ADCY3: variants seen among roughly 807,000 people sequenced by gnomAD.
ADCY3 encodes the protein adenylate cyclase type 3.
Under a neutral mutation model 119.4 loss-of-function variants are expected in ADCY3, and 70 were observed. That is an observed-to-expected ratio of 0.59 (90% CI 0.48 to 0.72). ADCY3 has a LOEUF of 0.72. ADCY3 is among the 30% of genes least tolerant of loss of function. ADCY3 has a pLI of 0.00. For missense variants in ADCY3, 1,238 were observed against 1,541.6 expected, an observed-to-expected ratio of 0.80 and a Z score of 3.30; for synonymous variants, 672 against 621.4, an observed-to-expected ratio of 1.08 and a Z score of -1.21.
At chr2:24,821,816 A>G (rs1353127742) in intron 19 of ADCY3, 176 bp from the exon 20 acceptor site, 3 of 887,106 alleles carry the variant, frequency 3.4e-6, no homozygotes, top group Non-Finnish European at 5.0e-6. Context: ...CACTGTGACA[A>G]AGTTCACGTA....
intron 3 of ADCY3, among the ~76,000 whole-genome samples, chr2:24,865,158 A>G (rs1558471673): frequency 6.6e-6 from 1 of 152,176 alleles, no homozygotes. Flanking sequence ...AATGCTCTCT[A>G]AGATAGTAGG....
In ADCY3 at chr2:24,853,467, CTTTT is replaced by C. The variant is rs745408152; in HGVS notation, c.826-11087_826-11084del. On this transcript the variant is annotated intron_variant, in intron 3 of 21. Transcript: ENST00000679454. Reference sequence around the variant, plus strand: ...ATTTTCAGATTGAAACGCGCCTCATCTTTTTTTTTTTTTTTTTTTTTTGAGATGG... The same window carrying C: ...ATTTTCAGATTGAAACGCGCCTCATCTTTTTTTTTTTTTTTTTTGAGATGG... 3.8e-3 allele frequency among the ~76,000 whole-genome samples: 443 copies of C among 115,228 alleles called. 2 individuals are homozygous for C. The highest frequency in any genetic ancestry group is 0.015 in the African/African-American group (399 of 27,028). 75.6% of individuals were successfully genotyped at this position (115,228 alleles called of 152,430 possible).
chr2:24,841,263 T>C lies in ADCY3; in HGVS notation c.1192A>G (p.Ile398Val). 1.3e-6 allele frequency: 2 copies of C among 1,558,936 alleles called. No homozygotes were observed. The highest frequency in any genetic ancestry group is 1.7e-6 in the Non-Finnish European group (2 of 1,151,756). Residue 398 changes from isoleucine to valine, a missense_variant, in exon 6 of 22, where the codon ATC (isoleucine) becomes GTC (valine). By Grantham distance (29) the Ile-to-Val change is conservative. This residue lies in a region of ADCY3 where 283 missense variants were observed against 437.2 expected (regional missense o/e 0.65). Transcript: ENST00000679454. This position sits in a 1 kb window ranked among gnomAD's most constrained non-coding sequence, Gnocchi z 5.8. Reference protein sequence around the residue: ...ILMGLAMVEAISYVREKTKTG... With the variant: ...ILMGLAMVEAVSYVREKTKTG... ...TCCCAGAGGCATCCCACTTACGAGA[T>C]GGCCTCCACCATGGCCAGCCCCATG... is the stretch of plus-strand genomic sequence containing the variant.
At chr2:24,886,525 C>A (rs1406685655) in intron 2 of ADCY3, among the ~76,000 whole-genome samples, 1 of 152,206 alleles carries the variant, frequency 6.6e-6, no homozygotes, top group Admixed American at 6.5e-5. Flanking sequence ...AAGACCTGGG[C>A]ACAGAACCCA....
intron 3 of ADCY3, among the ~76,000 whole-genome samples, chr2:24,871,374 T>C (rs1312869492): frequency 6.6e-6 from 1 of 152,188 alleles, no homozygotes; most frequent in Non-Finnish European, 1.5e-5. Context: ...GCCTGGACCT[T>C]TGTCACAATG....
intron 3 of ADCY3, among the ~76,000 whole-genome samples, chr2:24,865,829 A>G (rs929582498): frequency 4.6e-5 from 7 of 152,162 alleles, no homozygotes; most frequent in African/African-American, 7.2e-5. Flanking sequence ...AGGGGCCAAG[A>G]TCTCAGGGGA....
chr2:24,895,347 A>G lies in ADCY3; in HGVS notation c.676-22628T>C, dbSNP rs765033884. On this transcript the variant is annotated intron_variant, in intron 2 of 21. Transcript: ENST00000679454. ...TGTGATCCGCCCACCTCAGCCTCCC[A>G]AAGTGCTGAGATTACAGGCATGAGC... Among the ~76,000 whole-genome samples, 3 of 152,010 alleles carry G rather than the reference A, an allele frequency of 2.0e-5. No individual in the cohort carries two copies. In the South Asian group the frequency reaches 6.2e-4, roughly 32 times the overall value.
chr2:24,827,820 C>T (rs1668834327), intron 14 of ADCY3, 82 bp downstream of exon 14: 1 of 1,584,510 alleles, frequency 6.3e-7, no homozygotes. Flanking sequence ...GCCACCTCAG[C>T]ACAGGCCCAT....
chr2:24,883,361 A>G (rs1676643457), intron 2 of ADCY3, among the ~76,000 whole-genome samples: 1 of 152,044 alleles, frequency 6.6e-6, no homozygotes, highest in African/African-American at 2.4e-5. Context: ...AAAAATAAAA[A>G]AAAGAAGCTA....
rs753716407 is a variant in ADCY3, at chr2:24,820,721, T to TA, written c.3252+2dup. 6.2e-7 allele frequency: 1 copy of TA among 1,614,076 alleles called. No individual in the cohort carries two copies. The highest frequency in any genetic ancestry group is 1.1e-5 in the South Asian group (1 of 91,078). On this transcript the variant is annotated splice_region_variant and intron_variant, in intron 21 of 21. Coordinates refer to ENST00000679454, the MANE Select transcript of ADCY3 (RefSeq NM_004036.5). ...CACGTGCCAGCTGTGCCACTGGACA[T>TA]ACCTGAATGTTGCCCATGACCCCCG...
Position 24,827,547 on chromosome 2 carries a change from T to C in ADCY3, c.2494A>G (p.Arg832Gly). Residue 832 changes from arginine (R) to glycine (G), a missense_variant and splice_region_variant, in exon 15 of 22, where the codon AGG becomes GGG. Physicochemically the swap from Arg to Gly is moderately radical, Grantham distance 125. Around this residue, in one of 7 missense-constraint regions of ADCY3, gnomAD observed 499 missense variants for 571.0 expected, o/e 0.87. Coordinates refer to ENST00000679454, the MANE Select transcript of ADCY3 (RefSeq NM_004036.5). Reference sequence around the variant, plus strand: ...AGGAGGGGAAGCCGTGGCCCTTACCTGTCAGTGCCATTGAGCCCAGGGTTG... The same window carrying C: ...AGGAGGGGAAGCCGTGGCCCTTACCCGTCAGTGCCATTGAGCCCAGGGTTG... ...GFNPGLNGTD[R>G]LPLVPSKYSM... 1 of 1,584,652 alleles carries C rather than the reference T, an allele frequency of 6.3e-7. No homozygotes were observed. The highest frequency in any genetic ancestry group is 1.1e-5 in the South Asian group (1 of 87,304).
At chr2:24,886,113 G>A (rs1676990424) in intron 2 of ADCY3, among the ~76,000 whole-genome samples, 1 of 152,236 alleles carries the variant, frequency 6.6e-6, no homozygotes, top group East Asian at 1.9e-4. Context: ...GTCTCCACCT[G>A]TTTCAGTGTA....
chr2:24,834,448 C>T lies in ADCY3; in HGVS notation c.1967+37G>A, dbSNP rs369884886. 147 of 1,548,466 alleles carry T rather than the reference C, an allele frequency of 9.5e-5. 1 individual carries two copies. The highest frequency in any genetic ancestry group is 7.3e-4 in the South Asian group (63 of 86,792). On this transcript the variant is annotated intron_variant, in intron 11 of 21. Transcript: ENST00000679454. The surrounding 1 kb of genome is among the most constrained non-coding windows in gnomAD (Gnocchi z 4.2). ...GCCCCCCGCCCGGCACCACCGCAGC[C>T]GAGGAAACTCGTGGCCCTCCCCGGC...
chr2:24,874,093 G>A (rs1675354250), intron 2 of ADCY3, among the ~76,000 whole-genome samples: 1 of 152,186 alleles, frequency 6.6e-6, no homozygotes, highest in African/African-American at 2.4e-5. Flanking sequence ...TCCCTGAACT[G>A]TGTTGTGTTT....
In ADCY3 at chr2:24,836,930, T is replaced by G; in HGVS notation, c.1649A>C (p.Glu550Ala). 4 of 1,613,016 alleles carry G rather than the reference T, an allele frequency of 2.5e-6. No individual in the cohort carries two copies. Among genetic ancestry groups the G allele is most frequent in the Non-Finnish European group, 3.4e-6 (4 of 1,179,890 alleles). The change falls in exon 9 of 22, where the codon GAG becomes GCG. Residue 550 changes from glutamate to alanine, a missense_variant. Physicochemically the swap from Glu to Ala is moderately radical, Grantham distance 107 (BLOSUM62 -1). Around this residue, in one of 7 missense-constraint regions of ADCY3, gnomAD observed 499 missense variants for 571.0 expected, o/e 0.87. Coordinates refer to ENST00000679454, the MANE Select transcript of ADCY3 (RefSeq NM_004036.5). ...CCCTGCACATACCTGGGCATCCTGC[T>G]CCTCGGGCTTCTCCGACGTGGACCC... ...SSGSTSEKPE[E>A]QDAQADNPSF...
intron 3 of ADCY3, among the ~76,000 whole-genome samples, chr2:24,845,914 T>G (rs1324191783): frequency 4.6e-5 from 7 of 152,246 alleles, no homozygotes; most frequent in Non-Finnish European, 7.3e-5. Context: ...AAAGGGCCAA[T>G]GCAGAGCCTG....
At chr2:24,823,702 T>TG (rs1316958080) in intron 17 of ADCY3, among the ~76,000 whole-genome samples, 1 of 151,154 alleles carries the variant, frequency 6.6e-6, no homozygotes, top group Non-Finnish European at 1.5e-5. Context: ...TTTTTTTTTT[T>TG]TTTTTGAGAG....
intron 2 of ADCY3, among the ~76,000 whole-genome samples, chr2:24,897,578 G>A (rs1011673094): frequency 4.6e-5 from 7 of 152,146 alleles, no homozygotes; most frequent in Non-Finnish European, 1.0e-4. Flanking sequence ...CTTGGTCAGT[G>A]TTCCTCCCAA....
At position 24,872,709 on chromosome 2, in the gene ADCY3, T is replaced by C. The variant is rs1675177469; in HGVS notation, c.686A>G (p.Asn229Ser). ...GATGGCGCACAGGTAGAGGAAGACG[T>C]TGGCCAGGATCTGCACCCCAAGGAA... Reference protein sequence around the residue: ...GMQLLREILANVFLYLCAIAV... With the variant: ...GMQLLREILASVFLYLCAIAV... The change falls in exon 3 of 22, where the codon AAC (asparagine) becomes AGC (serine). Residue 229 changes from asparagine to serine, a missense_variant. Physicochemically the swap from Asn to Ser is conservative, Grantham distance 46 (BLOSUM62 1). Around this residue, in one of 7 missense-constraint regions of ADCY3, gnomAD observed 283 missense variants for 437.2 expected, o/e 0.65. Coordinates refer to ENST00000679454, the MANE Select transcript of ADCY3 (RefSeq NM_004036.5). This position sits in a 1 kb window ranked among gnomAD's most constrained non-coding sequence, Gnocchi z 4.4. The C allele has an allele frequency of 6.2e-7, 1 of 1,613,822 alleles. No individual in the cohort carries two copies. The highest frequency in any genetic ancestry group is 8.5e-7 in the Non-Finnish European group (1 of 1,179,848).
Sources: gnomAD v4.1 joint callset for allele counts (sites outside exome capture counted in the v4.1 genomes callset) on GRCh38, gnomAD v4.1.1 for gene constraint, gnomAD v4.1.1 regional missense constraint, Gnocchi (gnomAD v3.1) non-coding constraint, MANE v1.5 for transcripts, NCBI Gene and HGNC (gene_info 2026-07-23, HGNC 2026-07-21) for gene names.